The following SHISA9 variants were observed in gnomAD, a reference collection of about 807,000 sequenced individuals.
SHISA9 encodes the protein protein shisa-9.
A neutral mutation model predicts 38.0 loss-of-function variants in SHISA9; 13 were observed. The ratio of observed to expected loss-of-function variants is 0.34; its 90% CI spans 0.22 to 0.54. The LOEUF is 0.54. Among genes scored for constraint, SHISA9 ranks in the 20% least tolerant of loss-of-function variants. The probability of loss-of-function intolerance (pLI) is 0.91; values close to 1 mark genes in which losing one functional copy is unlikely to be tolerated. For missense variants in SHISA9, 538 were observed against 575.8 expected, an observed-to-expected ratio of 0.93 and a Z score of 0.67; for synonymous variants, 275 against 242.0, an observed-to-expected ratio of 1.14 and a Z score of -1.27.
At chr16:13,367,358 C>A in the SHISA9 span, among the ~76,000 whole-genome samples, 1 of 148,924 alleles carries the variant, frequency 6.7e-6, no homozygotes, top group East Asian at 2.0e-4. Context: ...ATGCCACCCA[C>A]GGGTACCATT....
chr16:13,131,710 A>G (rs2050308136), intron 2 of SHISA9, among the ~76,000 whole-genome samples: 1 of 152,218 alleles, frequency 6.6e-6, no homozygotes, highest in South Asian at 2.1e-4. Context: ...CTCCTGCTCT[A>G]TACAACCCCC....
chr16:13,162,940 TC>T (rs2050608209), intron 2 of SHISA9, among the ~76,000 whole-genome samples: 3 of 152,146 alleles, frequency 2.0e-5, no homozygotes, highest in Non-Finnish European at 4.4e-5. Flanking sequence ...TAGTCCTAAT[TC>T]TTAAGCTAAA....
chr16:13,023,535 A>G (rs2072883643), intron 2 of SHISA9, among the ~76,000 whole-genome samples: 1 of 152,214 alleles, frequency 6.6e-6, no homozygotes, highest in African/African-American at 2.4e-5. Context: ...GTATATACCC[A>G]GTAATGGGAT....
Position 12,935,524 on chromosome 16 carries a change from G to T in SHISA9, c.691+18709G>T, listed in dbSNP as rs537498925. ...AAATGGGCATATGTGATCATGGGAA[G>T]CTCATTCATGGGGAAGGAAAATCGA... On this transcript the variant is annotated intron_variant, in intron 2 of 4. Transcript: ENST00000558583. 8.3e-4 allele frequency among the ~76,000 whole-genome samples: 126 copies of T among 152,258 alleles called. 1 individual carries two copies. Among genetic ancestry groups the T allele is most frequent in the African/African-American group, 2.8e-3 (118 of 41,564 alleles).
chr16:13,473,531 T>C, the SHISA9 span, among the ~76,000 whole-genome samples: 6 of 151,948 alleles, frequency 3.9e-5, no homozygotes, highest in Non-Finnish European at 8.8e-5. Flanking sequence ...GAATAATTGA[T>C]TTTTCCTTTT....
the SHISA9 span, among the ~76,000 whole-genome samples, chr16:13,445,037 T>A: frequency 9.9e-5 from 14 of 141,322 alleles, no homozygotes; most frequent in South Asian, 4.7e-4. Context: ...TATGTTGTAT[T>A]TTTGATGGAG....
At chr16:13,118,896 A>AT (rs1274858123) in intron 2 of SHISA9, among the ~76,000 whole-genome samples, 2 of 151,440 alleles carry the variant, frequency 1.3e-5, no homozygotes, top group Admixed American at 6.6e-5. Context: ...TGCCCAGCTA[A>AT]TTTTTTTGTA....
intron 2 of SHISA9, among the ~76,000 whole-genome samples, chr16:13,107,041 A>G (rs977042080): frequency 1.3e-5 from 2 of 151,328 alleles, no homozygotes; most frequent in Non-Finnish European, 2.9e-5. Context: ...GCTACTAATG[A>G]GTTAAATTTT....
chr16:13,506,914 G>A, the SHISA9 span, among the ~76,000 whole-genome samples: 1 of 151,996 alleles, frequency 6.6e-6, no homozygotes, highest in Admixed American at 6.6e-5. Flanking sequence ...ATGGTGGTGT[G>A]CGCCTGTAGT....
chr16:13,351,426 A>G, the SHISA9 span, among the ~76,000 whole-genome samples: 9 of 152,194 alleles, frequency 5.9e-5, no homozygotes, highest in Admixed American at 1.3e-4. Flanking sequence ...ACAACACACT[A>G]TGAATAGCAG....
At chr16:13,454,852 G>A in the SHISA9 span, among the ~76,000 whole-genome samples, 1 of 152,250 alleles carries the variant, frequency 6.6e-6, no homozygotes, top group Admixed American at 6.5e-5. Context: ...TATTCATGTG[G>A]CTTCCTTCAT....
intron 2 of SHISA9, among the ~76,000 whole-genome samples, chr16:13,089,964 C>G (rs945428893): frequency 2.0e-5 from 3 of 152,226 alleles, no homozygotes; most frequent in Non-Finnish European, 1.5e-5. Flanking sequence ...CCTCTACACA[C>G]TGCTTCAAAT....
chr16:13,526,048 A>G, the SHISA9 span, among the ~76,000 whole-genome samples: 1 of 152,218 alleles, frequency 6.6e-6, no homozygotes, highest in Non-Finnish European at 1.5e-5. Flanking sequence ...CTGTTATCCT[A>G]TCACTTTTGG....
At chr16:13,062,418 C>G (rs577097422) in intron 2 of SHISA9, among the ~76,000 whole-genome samples, 2 of 152,262 alleles carry the variant, frequency 1.3e-5, no homozygotes, top group South Asian at 4.1e-4. Flanking sequence ...GTGGACATTG[C>G]TGTGTGACCT....
At chr16:13,153,974 T>C (rs1414311513) in intron 2 of SHISA9, among the ~76,000 whole-genome samples, 1 of 67,082 alleles carries the variant, frequency 1.5e-5, no homozygotes. Context: ...GGGGTGGGGG[T>C]GGGTTGAAAG....
the SHISA9 span, among the ~76,000 whole-genome samples, chr16:13,428,856 C>T: frequency 1.3e-5 from 2 of 151,788 alleles, no homozygotes; most frequent in African/African-American, 4.8e-5. Context: ...ACCTCCGCCT[C>T]CCAGGTTCAA....
chr16:12,953,208 T>TCAA (rs71393724), intron 2 of SHISA9, among the ~76,000 whole-genome samples: 5,023 of 148,628 alleles, frequency 0.034, 75 homozygotes, highest in African/African-American at 0.054. Flanking sequence ...AAAAAACCCC[T>TCAA]CAACAACAAC....
At chr16:13,389,639 G>A in the SHISA9 span, among the ~76,000 whole-genome samples, 1 of 152,174 alleles carries the variant, frequency 6.6e-6, no homozygotes, top group African/African-American at 2.4e-5. Context: ...CATGGAATCA[G>A]CAGGTGGCAG....
chr16:13,537,436 AAAAG>A, the SHISA9 span, among the ~76,000 whole-genome samples: 464 of 152,176 alleles, frequency 3.0e-3, 3 homozygotes, highest in African/African-American at 0.01. Context: ...CTCAAAAAAA[AAAAG>A]AAAGAAAGAA....
Sources: gnomAD v4.1 joint callset for allele counts (sites outside exome capture counted in the v4.1 genomes callset) on GRCh38, gnomAD v4.1.1 for gene constraint, MANE v1.5 for transcripts, NCBI Gene and HGNC (gene_info 2026-07-23, HGNC 2026-07-21) for gene names.